Variants in CDK12 observed in about 807,000 individuals in gnomAD.
CDK12 encodes the protein cyclin-dependent kinase 12.
Under a neutral mutation model 133.8 loss-of-function variants are expected in CDK12, and 17 were observed. The ratio of observed to expected loss-of-function variants is 0.13; its 90% CI spans 0.09 to 0.19. The LOEUF is 0.19. CDK12 is among the 10% of genes least tolerant of loss of function. CDK12 has a pLI of 1.00. For missense variants in CDK12, 1,508 were observed against 1,818.7 expected, an observed-to-expected ratio of 0.83 and a Z score of 3.11; for synonymous variants, 694 against 683.6, an observed-to-expected ratio of 1.02 and a Z score of -0.24.
chr17:39,528,857 A>T (rs1598185056), intron 13 of CDK12, among the ~76,000 whole-genome samples: 1 of 152,324 alleles, frequency 6.6e-6, no homozygotes, highest in Non-Finnish European at 1.5e-5. Context: ...GTTCCATTTT[A>T]TGTGTAGTCC....
intron 2 of CDK12, among the ~76,000 whole-genome samples, chr17:39,473,580 T>TA (rs780509372): frequency 1.3e-5 from 2 of 151,480 alleles, no homozygotes; most frequent in Admixed American, 6.6e-5. Context: ...CCATCTCTAC[T>TA]AAAAAAAATA....
chr17:39,559,227 T>G (rs1156872640), intron 3 of CDK12, among the ~76,000 whole-genome samples: 1 of 152,204 alleles, frequency 6.6e-6, no homozygotes, highest in Non-Finnish European at 1.5e-5. Context: ...TTGTACATTT[T>G]GCCCACTTTC....
chr17:39,523,075 G>T (rs1420656860), intron 11 of CDK12, among the ~76,000 whole-genome samples: 1 of 151,976 alleles, frequency 6.6e-6, no homozygotes, highest in Non-Finnish European at 1.5e-5. Context: ...TAACATAAAA[G>T]AAATATGATC....
intron 6 of CDK12, among the ~76,000 whole-genome samples, chr17:39,507,368 C>T (rs1028655289): frequency 3.3e-5 from 5 of 151,218 alleles, no homozygotes; most frequent in Non-Finnish European, 5.9e-5. Context: ...AGGCGGATCA[C>T]CTGAGGTAGG....
intron 8 of CDK12, among the ~76,000 whole-genome samples, chr17:39,514,894 C>T (rs183330273): frequency 1.9e-4 from 29 of 152,274 alleles, no homozygotes; most frequent in Non-Finnish European, 3.8e-4. Flanking sequence ...CGTACCCTCC[C>T]ATTCCCAGGC....
chr17:39,517,983 T>A (rs2053919796), intron 10 of CDK12, among the ~76,000 whole-genome samples: 1 of 151,338 alleles, frequency 6.6e-6, no homozygotes, highest in Non-Finnish European at 1.5e-5. Context: ...CTTCATTTTT[T>A]TTTTTTTTTT....
rs1231398798 is a variant in CDK12, at chr17:39,517,454, G to C, written c.2861G>C (p.Ser954Thr). The change falls in exon 10 of 14, where the codon AGC becomes ACC. Residue 954 changes from serine to threonine, a missense_variant. Physicochemically the swap from Ser to Thr is moderately conservative, Grantham distance 58 (BLOSUM62 1). Around this residue, in one of 9 missense-constraint regions of CDK12, gnomAD observed 82 missense variants for 201.5 expected, o/e 0.41. Transcript: ENST00000447079. ...QLELISRLCGSPCPAVWPDVI... is the reference protein window; with the variant it reads ...QLELISRLCGTPCPAVWPDVI... Reference sequence around the variant, plus strand: ...TTTGTTTTCAGCCGACTTTGTGGTAGCCCTTGTCCAGCTGTGTGGCCTGAT... The same window carrying C: ...TTTGTTTTCAGCCGACTTTGTGGTACCCCTTGTCCAGCTGTGTGGCCTGAT... The C allele has an allele frequency of 1.2e-6, 2 of 1,609,702 alleles. No individual in the cohort carries two copies. Among genetic ancestry groups the C allele is most frequent in the Admixed American group, 3.4e-5 (2 of 59,558 alleles).
chr17:39,541,246 A>C (rs1420917113), intron 1 of CDK12, among the ~76,000 whole-genome samples: 3 of 150,406 alleles, frequency 2.0e-5, no homozygotes, highest in African/African-American at 7.4e-5. Context: ...TGCTTATCAT[A>C]CTCCTTCCTG....
chr17:39,510,726 G>A (rs2053449235), intron 7 of CDK12, among the ~76,000 whole-genome samples: 1 of 151,198 alleles, frequency 6.6e-6, no homozygotes, highest in Admixed American at 6.6e-5. Context: ...CGATTCCCCT[G>A]CCTCAGCCTC....
chr17:39,504,778 C>G (rs2052976931), intron 6 of CDK12, among the ~76,000 whole-genome samples: 1 of 145,002 alleles, frequency 6.9e-6, no homozygotes, highest in Admixed American at 7.3e-5. Context: ...ACGTGGGAGG[C>G]CAAGGCATGA....
intron 2 of CDK12, among the ~76,000 whole-genome samples, chr17:39,480,016 T>C (rs920405035): frequency 6.7e-6 from 1 of 149,810 alleles, no homozygotes; most frequent in Non-Finnish European, 1.5e-5. Flanking sequence ...CTCCACTTCC[T>C]GGGTTCAAGC....
At position 39,494,151 on chromosome 17, in the gene CDK12, G is replaced by A. The variant is rs544699469; in HGVS notation, c.2249-373G>A. Among the ~76,000 whole-genome samples the A allele has an allele frequency of 2.0e-5, 3 of 152,164 alleles. No individual in the cohort carries two copies. In the East Asian group the frequency reaches 5.8e-4, roughly 29 times the overall value. On this transcript the variant is annotated intron_variant, in intron 4 of 13. Transcript: ENST00000447079. Reference sequence around the variant, plus strand: ...CAGCTCACTGCAACCTCTGCTCACCGCAACCTCTGCCTCCCGGGTTCAAGC... The same window carrying A: ...CAGCTCACTGCAACCTCTGCTCACCACAACCTCTGCCTCCCGGGTTCAAGC...
chr17:39,465,420 G>A (rs1355679173), intron 1 of CDK12, among the ~76,000 whole-genome samples: 1 of 149,848 alleles, frequency 6.7e-6, no homozygotes, highest in Non-Finnish European at 1.5e-5. Flanking sequence ...TTTTTGGAGG[G>A]GTGAGGAGTA....
At chr17:39,484,706 C>T (rs1295688139) in intron 2 of CDK12, among the ~76,000 whole-genome samples, 1 of 152,026 alleles carries the variant, frequency 6.6e-6, no homozygotes, top group Non-Finnish European at 1.5e-5. Flanking sequence ...CATACATGTT[C>T]AATATCCCTA....
intron 8 of CDK12, among the ~76,000 whole-genome samples, chr17:39,513,379 A>G (rs889344664): frequency 3.3e-5 from 5 of 152,204 alleles, no homozygotes; most frequent in African/African-American, 1.2e-4. Context: ...TTAAAATTCA[A>G]CAGAATGATG....
intron 5 of CDK12, 68 bp from the exon 6 acceptor site, chr17:39,501,182 C>G (rs998833855): frequency 6.1e-6 from 7 of 1,147,548 alleles, no homozygotes; most frequent in Admixed American, 5.3e-5. Flanking sequence ...TATATTAGGA[C>G]TTGAGGCATT....
chr17:39,533,068 A>G lies in CDK12; in HGVS notation c.*1752A>G, dbSNP rs2054957158. The G allele has an allele frequency of 5.6e-6, 1 of 177,750 alleles. No homozygotes were observed. Among genetic ancestry groups the G allele is most frequent in the African/African-American group, 2.5e-5 (1 of 40,656 alleles). 11.0% of individuals were successfully genotyped at this position (177,750 alleles called of 1,614,324 possible). On this transcript the variant is annotated 3_prime_UTR_variant, in exon 14 of 14. Transcript: ENST00000447079. ...AAATCTACTTATAAGAGAAAGGTGC[A>G]TTACTTAAAAAAAAAAAACTTTAAA...
At chr17:39,565,504 G>A (rs2056542586), downstream of CDK12, among the ~76,000 whole-genome samples, 1 of 151,658 alleles carries the variant, frequency 6.6e-6, no homozygotes, top group African/African-American at 2.4e-5. Context: ...CATGATCCCA[G>A]CTCACTGCAA....
intron 2 of CDK12, among the ~76,000 whole-genome samples, chr17:39,474,998 C>A (rs1004283239): frequency 6.6e-6 from 1 of 151,666 alleles, no homozygotes; most frequent in African/African-American, 2.4e-5. Flanking sequence ...CCATGCCTGG[C>A]TAATTTTTGT....
Sources: gnomAD v4.1 joint callset for allele counts (sites outside exome capture counted in the v4.1 genomes callset) on GRCh38, gnomAD v4.1.1 for gene constraint, gnomAD v4.1.1 regional missense constraint, MANE v1.5 for transcripts, NCBI Gene and HGNC (gene_info 2026-07-23, HGNC 2026-07-21) for gene names.